Variants in ERC2 observed in about 807,000 individuals in gnomAD.
ERC2 encodes the protein ELKS/RAB6-interacting/CAST family member 2, also known as ERC protein 2.
A neutral mutation model predicts 114.8 loss-of-function variants in ERC2; 42 were observed. The ratio of observed to expected loss-of-function variants is 0.37; its 90% CI spans 0.29 to 0.47. The LOEUF (loss-of-function observed/expected upper bound fraction) is 0.47. Ranked by LOEUF, ERC2 falls within the 20% of genes least tolerant of loss-of-function variation. The pLI is 0.99. For missense variants in ERC2, 939 were observed against 1,150.7 expected (o/e 0.82, Z 2.66); for synonymous variants, 454 against 425.5 (o/e 1.07, Z -0.82).
intron 3 of ERC2, among the ~76,000 whole-genome samples, chr3:56,178,650 T>C (rs1477940971): frequency 6.6e-6 from 1 of 152,118 alleles, no homozygotes; most frequent in Non-Finnish European, 1.5e-5. Context: ...TCTTAAAACA[T>C]GGGAGGTTCA....
intron 2 of ERC2, among the ~76,000 whole-genome samples, chr3:56,420,640 C>T (rs1399262018): frequency 1.3e-5 from 2 of 151,574 alleles, no homozygotes; most frequent in Non-Finnish European, 2.9e-5. Flanking sequence ...AATCCCAGCA[C>T]TTTGGGAGGC....
At chr3:56,400,321 A>AG (rs1343473674) in intron 2 of ERC2, among the ~76,000 whole-genome samples, 3 of 152,242 alleles carry the variant, frequency 2.0e-5, no homozygotes, top group Non-Finnish European at 4.4e-5. Flanking sequence ...ATGGGGGCTG[A>AG]GGGGGTCACA....
chr3:55,669,177 G>A (rs916947278), intron 17 of ERC2, among the ~76,000 whole-genome samples: 9 of 152,192 alleles, frequency 5.9e-5, no homozygotes, highest in African/African-American at 2.2e-4. Context: ...ACAAGATTAA[G>A]AGTTACACAC....
intron 3 of ERC2, among the ~76,000 whole-genome samples, chr3:56,181,717 G>A (rs933865606): frequency 2.6e-5 from 4 of 152,178 alleles, no homozygotes; most frequent in Non-Finnish European, 5.9e-5. Flanking sequence ...GAAGTGACAT[G>A]TTTGACTTCT....
chr3:56,169,292 C>A (rs1471447586), intron 4 of ERC2, among the ~76,000 whole-genome samples: 2 of 152,170 alleles, frequency 1.3e-5, no homozygotes, highest in Non-Finnish European at 2.9e-5. Context: ...GCTATACTAG[C>A]AAAATGTTTG....
intron 1 of ERC2, among the ~76,000 whole-genome samples, chr3:56,441,697 C>T (rs534910608): frequency 1.3e-5 from 2 of 152,220 alleles, no homozygotes; most frequent in Admixed American, 6.5e-5. Context: ...CTCCGCCTCC[C>T]GGGTTCAAGT....
chr3:56,136,248 T>C (rs929240674), intron 6 of ERC2, among the ~76,000 whole-genome samples: 6 of 152,072 alleles, frequency 3.9e-5, no homozygotes, highest in Non-Finnish European at 5.9e-5. Context: ...ACGTCTGTCA[T>C]TTATACTATT....
At chr3:56,005,852 C>A (rs1422084822) in intron 10 of ERC2, among the ~76,000 whole-genome samples, 1 of 152,052 alleles carries the variant, frequency 6.6e-6, no homozygotes, top group Non-Finnish European at 1.5e-5. Flanking sequence ...CCTTAATATG[C>A]ATATCATAGA....
At chr3:55,702,479 TA>T (rs1472053240) in intron 15 of ERC2, among the ~76,000 whole-genome samples, 1 of 152,228 alleles carries the variant, frequency 6.6e-6, no homozygotes, top group African/African-American at 2.4e-5. Flanking sequence ...TTCTCTCCTA[TA>T]AAAACAGTTT....
At chr3:56,114,894 AC>A (rs909415621) in intron 6 of ERC2, among the ~76,000 whole-genome samples, 2 of 152,186 alleles carry the variant, frequency 1.3e-5, no homozygotes, top group Non-Finnish European at 2.9e-5. Context: ...TTGCTTGGGG[AC>A]CAGATTGTCT....
At position 55,888,370 on chromosome 3, in the gene ERC2, A is replaced by G; in HGVS notation, c.2564+19T>C. 4 of 1,613,386 alleles carry G rather than the reference A, an allele frequency of 2.5e-6. No individual in the cohort carries two copies. Among genetic ancestry groups the G allele is most frequent in the Non-Finnish European group, 3.4e-6 (4 of 1,179,448 alleles). Reference sequence around the variant, plus strand: ...GAGGCTAGAAGAGAGAGGCTACCAAAGCAGCAATGGGTACTCACTTCATCT... The same window carrying G: ...GAGGCTAGAAGAGAGAGGCTACCAAGGCAGCAATGGGTACTCACTTCATCT... On this transcript the variant is annotated intron_variant, in intron 14 of 17. Transcript: ENST00000288221.
chr3:56,161,045 G>A (rs1339089427), intron 4 of ERC2, among the ~76,000 whole-genome samples: 1 of 152,146 alleles, frequency 6.6e-6, no homozygotes, highest in Admixed American at 6.6e-5. Context: ...CATGGGAATG[G>A]ATCCTTCATG....
chr3:56,021,217 A>G (rs1331506303), intron 7 of ERC2, among the ~76,000 whole-genome samples: 1 of 152,198 alleles, frequency 6.6e-6, no homozygotes, highest in Non-Finnish European at 1.5e-5. Flanking sequence ...ACATCTATAA[A>G]CAGATAAATA....
At chr3:56,026,057 CTTTTTTTTTTTTTTT>C (rs59635680) in intron 7 of ERC2, among the ~76,000 whole-genome samples, 2 of 69,210 alleles carry the variant, frequency 2.9e-5, no homozygotes, top group Non-Finnish European at 5.4e-5. Flanking sequence ...CCGTTTCTTT[CTTTTTTTTTTTTTTT>C]TTTTTTTTTT....
At chr3:55,967,409 A>T (rs973248415) in intron 12 of ERC2, among the ~76,000 whole-genome samples, 1 of 152,206 alleles carries the variant, frequency 6.6e-6, no homozygotes, top group African/African-American at 2.4e-5. Context: ...TTTCCTGATG[A>T]TAGGGTCTCA....
intron 17 of ERC2, among the ~76,000 whole-genome samples, chr3:55,657,044 C>T (rs1487048309): frequency 1.3e-5 from 2 of 152,142 alleles, no homozygotes; most frequent in South Asian, 4.1e-4. Flanking sequence ...TCCCTCTCAT[C>T]TCCCCCTAGA....
chr3:56,139,210 A>G (rs2080702104), intron 6 of ERC2, among the ~76,000 whole-genome samples: 1 of 152,226 alleles, frequency 6.6e-6, no homozygotes, highest in South Asian at 2.1e-4. Context: ...GCACAACTTG[A>G]CACAAACTGA....
At chr3:55,635,654 G>T (rs778044075) in intron 17 of ERC2, among the ~76,000 whole-genome samples, 1 of 152,040 alleles carries the variant, frequency 6.6e-6, no homozygotes, top group Non-Finnish European at 1.5e-5. Context: ...GCCTCCCAAA[G>T]TGCTGGGATT....
intron 7 of ERC2, among the ~76,000 whole-genome samples, chr3:56,053,450 A>G (rs1243707373): frequency 4.6e-5 from 7 of 152,120 alleles, no homozygotes; most frequent in Middle Eastern, 3.2e-3. Context: ...GGACAGGATG[A>G]CCTCAGGTGG....
Sources: gnomAD v4.1 joint callset for allele counts (sites outside exome capture counted in the v4.1 genomes callset) on GRCh38, gnomAD v4.1.1 for gene constraint, MANE v1.5 for transcripts, NCBI Gene and HGNC (gene_info 2026-07-23, HGNC 2026-07-21) for gene names.